Variants in COL17A1 observed in about 807,000 individuals in gnomAD.
COL17A1 encodes collagen type XVII alpha 1 chain, also known as collagen alpha-1(XVII) chain.
In COL17A1, 181 loss-of-function variants were observed where a neutral mutation model predicts 218.4. The observed-to-expected ratio is 0.83, with a 90% CI of 0.73 to 0.94. The LOEUF (loss-of-function observed/expected upper bound fraction) is 0.94, where lower values mean the gene tolerates loss of function less well. Among genes scored for constraint, COL17A1 ranks in the 40% least tolerant of loss-of-function variants. COL17A1 has a pLI of 0.00. For missense variants in COL17A1, 1,924 were observed against 1,945.9 expected (o/e 0.99, Z 0.21); for synonymous variants, 721 against 731.0 (o/e 0.99, Z 0.22).
chr10:104,068,158 C>T (rs75767391), intron 9 of COL17A1, among the ~76,000 whole-genome samples: 2,482 of 152,238 alleles, frequency 0.016, 71 homozygotes, highest in African/African-American at 0.057. Context: ...AGATGGTAAA[C>T]TAATTCCCAG....
chr10:104,054,447 C>T (rs1239250836), intron 20 of COL17A1, among the ~76,000 whole-genome samples: 1 of 152,014 alleles, frequency 6.6e-6, no homozygotes, highest in Admixed American at 6.6e-5. Context: ...GGTGTGCGGG[C>T]TGGAGACTTG....
intron 19 of COL17A1, 121 bp from the exon 20 acceptor site, chr10:104,055,128 G>A (rs532178957): frequency 2.5e-5 from 38 of 1,543,378 alleles, no homozygotes; most frequent in Middle Eastern, 1.7e-4. Context: ...GGCGACATGC[G>A]GCGAGTCCCT....
intron 13 of COL17A1, among the ~76,000 whole-genome samples, chr10:104,060,632 T>C (rs2086574344): frequency 6.6e-6 from 1 of 152,158 alleles, no homozygotes; most frequent in Admixed American, 6.5e-5. Flanking sequence ...TTGGGTTCAT[T>C]TTTATCCTCC....
Position 104,038,529 on chromosome 10 carries a change from C to G in COL17A1, c.2948-1G>C. ...ACGTACATGGTACTTGATGATCCCC[C>G]TGCAGCAAAGAGAAAGCGTCCTGTG... On this transcript the variant is annotated splice_acceptor_variant, in intron 44 of 55. Coordinates refer to ENST00000648076, the MANE Select transcript of COL17A1 (RefSeq NM_000494.4). LOFTEE classifies it high-confidence loss of function. 5.0e-6 allele frequency: 8 copies of G among 1,611,800 alleles called. No homozygotes were observed. The highest frequency in any genetic ancestry group is 5.9e-6 in the Non-Finnish European group (7 of 1,179,956).
chr10:104,033,805 C>T, intron 52 of COL17A1, 140 bp downstream of exon 52: 1 of 1,326,394 alleles, frequency 7.5e-7, no homozygotes, highest in South Asian at 1.3e-5. Flanking sequence ...GAGAGCTAGG[C>T]TGGGGCTGCC....
At chr10:104,074,119 C>A in intron 6 of COL17A1, 65 bp downstream of exon 6, 2 of 1,612,694 alleles carry the variant, frequency 1.2e-6, no homozygotes, top group African/African-American at 1.3e-5. Flanking sequence ...ACCACTTCAT[C>A]TCCCCCAGGG....
chr10:104,033,855 A>G, intron 52 of COL17A1, 90 bp downstream of exon 52: 2 of 1,584,626 alleles, frequency 1.3e-6, no homozygotes, highest in African/African-American at 1.3e-5. Flanking sequence ...CTGTCTTCAC[A>G]GCCTGGGGGT....
At chr10:104,054,159 G>C (rs368381460) in intron 20 of COL17A1, 41 bp from the exon 21 acceptor site, 572 of 1,587,970 alleles carry the variant, frequency 3.6e-4, no homozygotes, top group Non-Finnish European at 4.8e-4. Flanking sequence ...TCAGCCAGAA[G>C]ACTGTGCCCA....
chr10:104,064,508 C>A lies in COL17A1; in HGVS notation c.696G>T (p.Gly232=), dbSNP rs139924779. 1.5e-4 allele frequency: 241 copies of A among 1,614,088 alleles called. No individual in the cohort carries two copies. The African/African-American group carries it at 3.1e-3, about 21-fold the overall frequency. Residue 232 remains glycine, a synonymous_variant, in exon 10 of 56, where the codon GGG becomes GGT. Transcript: ENST00000648076. ...GGGTTGTCATGTTGTTGTGATAGGT[C>A]CCCATGGAGGACCCCGCGGGCAGGG... ...SSTLPAGSSM[G]TYHNNMTTQS... is the part of the protein sequence containing the mutation.
Position 104,034,244 on chromosome 10 carries a change from G to C in COL17A1, c.3857C>G (p.Ala1286Gly). ...PGDSRLLSTD[A>G]SHSRGSSSSS... Reference sequence around the variant, plus strand: ...GGAGCTGCTACCCCGACTGTGGGAGGCATCCGTGGACAGGAGGCGGCTGTC... The same window carrying C: ...GGAGCTGCTACCCCGACTGTGGGAGCCATCCGTGGACAGGAGGCGGCTGTC... The change falls in exon 52 of 56, where the codon GCC (alanine) becomes GGC (glycine). Residue 1286 changes from alanine (A) to glycine (G), a missense_variant. Transcript: ENST00000648076. The C allele has an allele frequency of 6.2e-7, 1 of 1,610,412 alleles. No individual in the cohort carries two copies. Among genetic ancestry groups the C allele is most frequent in the Non-Finnish European group, 8.5e-7 (1 of 1,179,234 alleles).
intron 40 of COL17A1, among the ~76,000 whole-genome samples, 169 bp from the exon 41 acceptor site, chr10:104,040,168 G>C (rs942479603): frequency 2.6e-5 from 4 of 152,202 alleles, no homozygotes; most frequent in South Asian, 2.1e-4. Flanking sequence ...ATCCTTTGTA[G>C]AGTTTCTGAC....
Position 104,055,922 on chromosome 10 carries a change from A to G in COL17A1, c.1547T>C (p.Met516Thr), listed in dbSNP as rs2086520529. ...GAGGCGGTCCTTTTCTATTCTATCC[A>G]TGCTGTCCCCATAGGGCAGTATGCT... is the stretch of plus-strand genomic sequence containing the variant. ...RRSILPYGDS[M>T]DRIEKDRLQG... Residue 516 changes from methionine (M) to threonine (T), a missense_variant, in exon 18 of 56, where the codon ATG (methionine) becomes ACG (threonine). Transcript: ENST00000648076. The G allele has an allele frequency of 6.2e-7, 1 of 1,614,008 alleles. No individual in the cohort carries two copies. The highest frequency in any genetic ancestry group is 8.5e-7 in the Non-Finnish European group (1 of 1,179,990).
At chr10:104,034,431 A>C in intron 51 of COL17A1, 97 bp from the exon 52 acceptor site, 8 of 1,473,114 alleles carry the variant, frequency 5.4e-6, no homozygotes, top group Non-Finnish European at 7.3e-6. Context: ...AATGCCCCTG[A>C]GAGACCAGAA....
chr10:104,059,433 A>G, intron 15 of COL17A1: 1 of 614,272 alleles, frequency 1.6e-6, no homozygotes, highest in Non-Finnish European at 2.9e-6. Flanking sequence ...GCAAATGCAA[A>G]TCACCTAGGA....
In COL17A1 at chr10:104,053,076, G is replaced by C; in HGVS notation, c.1894C>G (p.Arg632Gly). ...GATCCAGGAGGCCCTGCCTCACCACGAGGTCCCATGGGGCCTTCTCGCCCT... is the reference window on the plus strand; with the variant it reads ...GATCCAGGAGGCCCTGCCTCACCACCAGGTCCCATGGGGCCTTCTCGCCCT... ...QRGREGPMGP[R>G]GEAGPPGSGE... The change falls in exon 23 of 56, where the codon CGT (arginine) becomes GGT (glycine). Residue 632 changes from arginine to glycine, a missense_variant. Transcript: ENST00000648076. 1 of 1,613,990 alleles carries C rather than the reference G, an allele frequency of 6.2e-7. No homozygotes were observed. The highest frequency in any genetic ancestry group is 8.5e-7 in the Non-Finnish European group (1 of 1,180,028).
intron 29 of COL17A1, among the ~76,000 whole-genome samples, chr10:104,048,617 A>C (rs1199480193): frequency 2.0e-5 from 3 of 152,136 alleles, no homozygotes; most frequent in Admixed American, 2.0e-4. Context: ...TATTGGAAGA[A>C]ATCTCTCCTT....
At chr10:104,034,422 A>T (rs1014218879) in intron 51 of COL17A1, 88 bp from the exon 52 acceptor site, 2 of 1,486,554 alleles carry the variant, frequency 1.3e-6, no homozygotes, top group South Asian at 2.5e-5. Flanking sequence ...CAGGGTGTCA[A>T]TGCCCCTGAG....
At chr10:104,071,499 C>T (rs888696768) in intron 8 of COL17A1, among the ~76,000 whole-genome samples, 7 of 152,154 alleles carry the variant, frequency 4.6e-5, no homozygotes, top group East Asian at 3.8e-4. Flanking sequence ...CATATTCCAT[C>T]GACAGAGACT....
chr10:104,067,606 C>G (rs556926853), intron 9 of COL17A1, among the ~76,000 whole-genome samples: 106 of 152,178 alleles, frequency 7.0e-4, no homozygotes, highest in Middle Eastern at 6.8e-3. Flanking sequence ...CGCTGGTGCT[C>G]AGAGAGAGAA....
Sources: allele counts gnomAD v4.1 joint callset (sites outside exome capture counted in the v4.1 genomes callset), GRCh38; gene constraint gnomAD v4.1.1; transcripts MANE v1.5; gene names NCBI Gene and HGNC (gene_info 2026-07-23, HGNC 2026-07-21).